The following NALCN variants were observed in gnomAD, a reference collection of about 807,000 sequenced individuals.
The protein encoded by NALCN is sodium leak channel, non-selective.
In NALCN, 111 loss-of-function variants were observed where a neutral mutation model predicts 225.3. The observed-to-expected ratio is 0.49, with a 90% CI of 0.42 to 0.58. NALCN has a LOEUF of 0.58. Ranked by LOEUF, NALCN falls within the 20% of genes least tolerant of loss-of-function variation. The pLI is 0.00. For missense variants in NALCN, 1,378 were observed against 2,202.4 expected, an observed-to-expected ratio of 0.63 and a Z score of 7.49; for synonymous variants, 764 against 769.0, an observed-to-expected ratio of 0.99 and a Z score of 0.11.
chr13:101,325,312 T>C (rs576622176), intron 7 of NALCN, among the ~76,000 whole-genome samples: 6 of 152,346 alleles, frequency 3.9e-5, no homozygotes, highest in Non-Finnish European at 8.8e-5. Context: ...TCTCTGCTTA[T>C]TAAGTTTGTT....
intron 10 of NALCN, among the ~76,000 whole-genome samples, chr13:101,278,300 G>T (rs112143687): frequency 6.6e-6 from 1 of 151,926 alleles, no homozygotes; most frequent in African/African-American, 2.4e-5. Flanking sequence ...CGAGGTGGGC[G>T]GATCATGAGG....
At chr13:101,111,247 C>A (rs755021131) in intron 18 of NALCN, 21 bp from the exon 19 acceptor site, 2 of 1,568,836 alleles carry the variant, frequency 1.3e-6, no homozygotes, top group Non-Finnish European at 1.7e-6. Context: ...AAAAGGAGCC[C>A]AAGATAAATG....
intron 15 of NALCN, among the ~76,000 whole-genome samples, chr13:101,150,989 A>T (rs6491601): frequency 0.79 from 120,019 of 152,192 alleles, 47,549 homozygotes; most frequent in East Asian, 0.99. Context: ...GTCTGGCTGC[A>T]ACCGAGAGAT....
chr13:101,259,667 T>G (rs2042352259), intron 10 of NALCN, among the ~76,000 whole-genome samples: 2 of 150,034 alleles, frequency 1.3e-5, no homozygotes. Flanking sequence ...TATCATGTAT[T>G]AAACGGTTAC....
chr13:101,344,049 T>G (rs578190366), intron 7 of NALCN, among the ~76,000 whole-genome samples: 1 of 152,296 alleles, frequency 6.6e-6, no homozygotes, highest in East Asian at 1.9e-4. Context: ...ATTCTAGTCA[T>G]GCCCAGCTGT....
chr13:101,167,712 CCTGTAA>C (rs879878075), intron 15 of NALCN, among the ~76,000 whole-genome samples: 35,985 of 150,782 alleles, frequency 0.24, 5,049 homozygotes, highest in Non-Finnish European at 0.32. Flanking sequence ...GTGGTGCATG[CCTGTAA>C]TCCCAGCTAC....
chr13:101,057,861 G>T, intron 43 of NALCN, 78 bp downstream of exon 43: 1 of 1,150,294 alleles, frequency 8.7e-7, no homozygotes, highest in Non-Finnish European at 1.3e-6. Context: ...ATTTTGAAAG[G>T]CAAGACCCAA....
At chr13:101,273,106 G>A (rs1413761361) in intron 10 of NALCN, among the ~76,000 whole-genome samples, 1 of 152,138 alleles carries the variant, frequency 6.6e-6, no homozygotes, top group Non-Finnish European at 1.5e-5. Context: ...TCATTCTCTT[G>A]TCAGAGACTT....
intron 7 of NALCN, among the ~76,000 whole-genome samples, chr13:101,296,321 A>C (rs780411529): frequency 1.3e-5 from 2 of 152,210 alleles, no homozygotes; most frequent in South Asian, 2.1e-4. Context: ...AGCATTTCTC[A>C]AATATTTGCT....
At chr13:101,085,846 A>C (rs1239391463) in intron 30 of NALCN, among the ~76,000 whole-genome samples, 1 of 152,136 alleles carries the variant, frequency 6.6e-6, no homozygotes, top group Non-Finnish European at 1.5e-5. Flanking sequence ...TGAGGTAGAG[A>C]TCTCAGCATA....
intron 6 of NALCN, among the ~76,000 whole-genome samples, chr13:101,346,367 T>C (rs1479949617): frequency 6.6e-6 from 1 of 152,030 alleles, no homozygotes; most frequent in East Asian, 1.9e-4. Flanking sequence ...GTCATTGTGA[T>C]TCACAAAATT....
intron 13 of NALCN, among the ~76,000 whole-genome samples, chr13:101,199,618 G>A (rs2040032591): frequency 7.9e-6 from 1 of 126,242 alleles, no homozygotes; most frequent in Non-Finnish European, 1.6e-5. Context: ...TTGGACACAG[G>A]AAGGGGAACA....
At chr13:101,258,390 C>T in intron 11 of NALCN, 53 bp downstream of exon 11, 1 of 1,609,060 alleles carries the variant, frequency 6.2e-7, no homozygotes. Context: ...GAGGCACTGT[C>T]CGCGGTTCAC....
In NALCN at chr13:101,160,675, T is replaced by TA. The variant is rs1343177986; in HGVS notation, c.1839+15624dup. Among the ~76,000 whole-genome samples, 4 of 152,302 alleles carry TA rather than the reference T, an allele frequency of 2.6e-5. No homozygotes were observed. The East Asian group carries it at 5.8e-4, about 22-fold the overall frequency. On this transcript the variant is annotated intron_variant, in intron 15 of 43. Coordinates refer to ENST00000251127, the MANE Select transcript of NALCN (RefSeq NM_052867.4). ...GTTTTGTTTTGTTTTTGTTTTTTTT[T>TA]ATGAAGGTGTTTCTTCCTTATAAAT... is the stretch of plus-strand genomic sequence containing the variant.
chr13:101,391,080 AAAATT>A (rs1411200964), intron 3 of NALCN, among the ~76,000 whole-genome samples: 4 of 152,144 alleles, frequency 2.6e-5, no homozygotes, highest in African/African-American at 9.7e-5. Flanking sequence ...TTAAAGGAAA[AAAATT>A]AAACAAAAAT....
At chr13:101,060,449 ATTTTTTTT>A (rs55697849) in intron 41 of NALCN, among the ~76,000 whole-genome samples, 2 of 93,706 alleles carry the variant, frequency 2.1e-5, no homozygotes, top group South Asian at 3.9e-4. Flanking sequence ...TGGCTAATTA[ATTTTTTTT>A]TTTTTTTTTT....
intron 14 of NALCN, among the ~76,000 whole-genome samples, chr13:101,186,213 G>C (rs1170523887): frequency 1.3e-5 from 2 of 152,186 alleles, no homozygotes; most frequent in Non-Finnish European, 2.9e-5. Context: ...ATAGCAAGTA[G>C]CAATGTACAC....
At chr13:101,064,553 C>T (rs1015240236) in intron 40 of NALCN, among the ~76,000 whole-genome samples, 2 of 136,814 alleles carry the variant, frequency 1.5e-5, no homozygotes, top group African/African-American at 5.5e-5. Context: ...GGAATTTGAA[C>T]ATAGATACAC....
At chr13:101,150,992 C>T (rs1008033338) in intron 15 of NALCN, among the ~76,000 whole-genome samples, 3 of 152,026 alleles carry the variant, frequency 2.0e-5, no homozygotes, top group South Asian at 2.1e-4. Flanking sequence ...TGGCTGCAAC[C>T]GAGAGATCAA....
Sources: allele counts gnomAD v4.1 joint callset (sites outside exome capture counted in the v4.1 genomes callset), GRCh38; gene constraint gnomAD v4.1.1; transcripts MANE v1.5; gene names NCBI Gene and HGNC (gene_info 2026-07-23, HGNC 2026-07-21).